Variants in BLTP1 observed in about 807,000 individuals in gnomAD.
The protein encoded by BLTP1 is bridge-like lipid transfer protein family member 1.
At chr4:122,320,376 C>T in the BLTP1 span, among the ~76,000 whole-genome samples, 2 of 152,034 alleles carry the variant, frequency 1.3e-5, no homozygotes, top group African/African-American at 2.4e-5. Context: ...GTCTCAAACT[C>T]CTGGCCTCAG....
chr4:122,190,639 G>A, the BLTP1 span: 2 of 352,224 alleles, frequency 5.7e-6, no homozygotes, highest in Non-Finnish European at 7.9e-6. Flanking sequence ...CTCAAAAATT[G>A]AGAATGCAAA....
At chr4:122,353,176 C>T in the BLTP1 span, 1 of 1,608,400 alleles carries the variant, frequency 6.2e-7, no homozygotes, top group Admixed American at 1.7e-5. The surrounding 1 kb of genome is among the most constrained non-coding windows in gnomAD (Gnocchi z 4.3). Flanking sequence ...ACATTTCCAG[C>T]TTTTACTTTC....
the BLTP1 span, chr4:122,286,743 A>G: frequency 1.2e-6 from 2 of 1,613,890 alleles, no homozygotes; most frequent in Non-Finnish European, 1.7e-6. Context: ...CTTCTAAACA[A>G]GGTTACTATT....
At chr4:122,280,360 G>T in the BLTP1 span, among the ~76,000 whole-genome samples, 5 of 152,158 alleles carry the variant, frequency 3.3e-5, no homozygotes, top group Non-Finnish European at 7.3e-5. Flanking sequence ...TATAGCAGTG[G>T]TCATTTATGT....
the BLTP1 span, among the ~76,000 whole-genome samples, chr4:122,361,041 GT>G: frequency 1.3e-5 from 2 of 152,154 alleles, no homozygotes; most frequent in South Asian, 4.1e-4. Context: ...CTCTGCCTCA[GT>G]TGACTCATGA....
the BLTP1 span, chr4:122,226,905 C>A: frequency 8.3e-7 from 1 of 1,212,068 alleles, no homozygotes; most frequent in Non-Finnish European, 1.1e-6. Context: ...ATTGAGATAT[C>A]AGCTTCAAGT....
chr4:122,281,922 G>A, the BLTP1 span: 1 of 1,292,036 alleles, frequency 7.7e-7, no homozygotes, highest in Non-Finnish European at 9.8e-7. Context: ...ATGTTCTCTA[G>A]TCAAGTAAAA....
chr4:122,203,537 C>A, the BLTP1 span, among the ~76,000 whole-genome samples: 1 of 151,720 alleles, frequency 6.6e-6, no homozygotes, highest in African/African-American at 2.4e-5. Context: ...CTTTTTAATT[C>A]ATTGTACAAA....
the BLTP1 span, chr4:122,263,124 T>A: frequency 7.2e-7 from 1 of 1,391,870 alleles, no homozygotes; most frequent in Non-Finnish European, 9.4e-7. Flanking sequence ...ATTTTAGGAA[T>A]CCATTGTTCT....
chr4:122,251,632 A>G, the BLTP1 span: 4 of 983,978 alleles, frequency 4.1e-6, no homozygotes, highest in Non-Finnish European at 4.8e-6. Context: ...ACCTACTAAA[A>G]TACTTGACAG....
the BLTP1 span, chr4:122,214,323 GT>G: frequency 1.1e-6 from 1 of 923,608 alleles, no homozygotes; most frequent in Non-Finnish European, 1.3e-6. Context: ...AAATTGAAAT[GT>G]AGTTTATCAT....
chr4:122,153,834 T>C, the BLTP1 span: 1 of 225,150 alleles, frequency 4.4e-6, no homozygotes, highest in South Asian at 1.6e-4. Context: ...AGTTTGGAAG[T>C]TGTAGTTTTA....
At chr4:122,261,693 G>A in the BLTP1 span, 11 of 984,830 alleles carry the variant, frequency 1.1e-5, no homozygotes, top group Admixed American at 6.2e-5. Flanking sequence ...TAAAAATCTG[G>A]CTTTTTCCTT....
At chr4:122,313,723 G>A in the BLTP1 span, 3 of 1,209,086 alleles carry the variant, frequency 2.5e-6, no homozygotes, top group Non-Finnish European at 3.5e-6. Flanking sequence ...ATGTTAGATA[G>A]AATTCTGCCT....
At chr4:122,189,989 CCTT>C in the BLTP1 span, 6 of 1,550,572 alleles carry the variant, frequency 3.9e-6, no homozygotes, top group Admixed American at 9.2e-5. Flanking sequence ...TTCCCCTCCA[CCTT>C]CTTATAGACC....
At chr4:122,207,104 T>C in the BLTP1 span, 1 of 1,590,854 alleles carries the variant, frequency 6.3e-7, no homozygotes, top group Non-Finnish European at 8.6e-7. Context: ...ACCCCAATAA[T>C]TTTAGATTTA....
At chr4:122,231,970 T>C in the BLTP1 span, 844 of 805,730 alleles carry the variant, frequency 1.0e-3, 4 homozygotes, top group African/African-American at 0.014. Flanking sequence ...GTAAAATAAA[T>C]TGGATTTCTT....
the BLTP1 span, among the ~76,000 whole-genome samples, chr4:122,277,881 G>C: frequency 1.3e-5 from 2 of 152,248 alleles, no homozygotes; most frequent in Non-Finnish European, 2.9e-5. Context: ...GAGAAGAAAA[G>C]AGTTCTGAAT....
the BLTP1 span, among the ~76,000 whole-genome samples, chr4:122,232,429 T>G: frequency 3.7e-4 from 56 of 152,220 alleles, no homozygotes; most frequent in African/African-American, 1.3e-3. Flanking sequence ...TATTTTTGTT[T>G]GTATTTTATT....
Sources: allele counts gnomAD v4.1 joint callset (sites outside exome capture counted in the v4.1 genomes callset), GRCh38; gene constraint gnomAD v4.1.1; non-coding constraint Gnocchi (gnomAD v3.1); transcripts MANE v1.5; gene names NCBI Gene and HGNC (gene_info 2026-07-23, HGNC 2026-07-21).